The following EVC variants were observed in gnomAD, a reference collection of about 807,000 sequenced individuals.
The protein encoded by EVC is EvC ciliary complex subunit 1.
A neutral mutation model predicts 118.9 loss-of-function variants in EVC; 116 were observed. The observed-to-expected ratio is 0.98, with a 90% CI of 0.84 to 1.14. EVC has a LOEUF of 1.14. Ranked by LOEUF, EVC falls within the 50% of genes most tolerant of loss-of-function variation. The pLI is 0.00. For synonymous variants in EVC, 619 were observed against 534.7 expected (o/e 1.16, Z -2.18); for missense variants, 1,401 against 1,246.4 (o/e 1.12, Z -1.87).
At chr4:5,824,895 A>G in the EVC span, 1 of 985,272 alleles carries the variant, frequency 1.0e-6, no homozygotes, top group Non-Finnish European at 1.2e-6. Context: ...TGAGACCTTA[A>G]GAAAGTCAGG....
chr4:5,821,063 A>C, the EVC span: 2 of 152,238 alleles, frequency 1.3e-5, no homozygotes, highest in African/African-American at 4.8e-5. The surrounding 1 kb of genome is among the most constrained non-coding windows in gnomAD (Gnocchi z 4.4). Context: ...TGGCTTGAAG[A>C]ACACACACAG....
Position 5,753,919 on chromosome 4 carries a change from G to GA in EVC, c.1454dup (p.Phe486ValfsTer7). 6.2e-7 allele frequency: 1 copy of GA among 1,613,352 alleles called. No individual in the cohort carries two copies. Among genetic ancestry groups the GA allele is most frequent in the African/African-American group, 1.3e-5 (1 of 75,030 alleles). On this transcript the variant is annotated frameshift_variant, in exon 10 of 21. Coordinates refer to ENST00000264956, the MANE Select transcript of EVC (RefSeq NM_153717.3). LOFTEE classifies it high-confidence loss of function. Reference sequence around the variant, plus strand: ...TGAGGCCCAGCCGACTGCTGACCCGGAAAAGTTTCTCGAGGTGACTCACAT... The same window carrying GA: ...TGAGGCCCAGCCGACTGCTGACCCGGAAAAAGTTTCTCGAGGTGACTCACAT...
chr4:5,741,428 G>A (rs560131356), intron 5 of EVC, among the ~76,000 whole-genome samples: 3 of 152,302 alleles, frequency 2.0e-5, no homozygotes, highest in Admixed American at 1.3e-4. Context: ...GGGATGTGGA[G>A]GGCCTTGCAC....
chr4:5,776,606 C>G (rs1242158083), intron 11 of EVC, among the ~76,000 whole-genome samples: 2 of 152,140 alleles, frequency 1.3e-5, no homozygotes, highest in Non-Finnish European at 2.9e-5. Context: ...CAGACTTGCC[C>G]TCCGATCCTT....
intron 5 of EVC, among the ~76,000 whole-genome samples, chr4:5,736,978 T>C (rs564356879): frequency 5.3e-5 from 8 of 152,326 alleles, no homozygotes; most frequent in South Asian, 2.1e-4. Context: ...AAAGCTGAGA[T>C]AGGCTGAAAG....
chr4:5,811,177 A>C lies in EVC; in HGVS notation c.*140A>C. The C allele has an allele frequency of 1.4e-6, 1 of 710,360 alleles. No individual in the cohort carries two copies. 44.0% of individuals were successfully genotyped at this position (710,360 alleles called of 1,614,324 possible). ...GCTCTTCTGAGAGGGACAGAGAAAG[A>C]ATAGAAATGTGCCCTAAAAGCATAA... On this transcript the variant is annotated 3_prime_UTR_variant, in exon 21 of 21. Transcript: ENST00000264956.
At position 5,749,539 on chromosome 4, in the gene EVC, CTATT is replaced by C. The variant is rs1262083399; in HGVS notation, c.1098+1237_1098+1240del. Among the ~76,000 whole-genome samples, 1 of 152,098 alleles carries C rather than the reference CTATT, an allele frequency of 6.6e-6. No individual in the cohort carries two copies. The highest frequency in any genetic ancestry group is 1.5e-5 in the Non-Finnish European group (1 of 68,018). On this transcript the variant is annotated intron_variant, in intron 8 of 20. Transcript: ENST00000264956. The surrounding 1 kb of genome is among the most constrained non-coding windows in gnomAD (Gnocchi z 4.4). ...TTAACCTCTCTGCGCGTCTGTTCCT[CTATT>C]TATAAAATAATAGTGCTAAGAGTTG... is the stretch of plus-strand genomic sequence containing the variant.
Position 5,737,438 on chromosome 4 carries a change from A to G in EVC, c.702+4003A>G, listed in dbSNP as rs1475725789. Among the ~76,000 whole-genome samples, 1 of 152,232 alleles carries G rather than the reference A, an allele frequency of 6.6e-6. No homozygotes were observed. Among genetic ancestry groups the G allele is most frequent in the Non-Finnish European group, 1.5e-5 (1 of 68,036 alleles). On this transcript the variant is annotated intron_variant, in intron 5 of 20. Transcript: ENST00000264956. This position sits in a 1 kb window ranked among gnomAD's most constrained non-coding sequence, Gnocchi z 5.0. Reference sequence around the variant, plus strand: ...TTTTCAATGCAGATGAAATAGCACAATATGGTCATGGAAGAAGATGCCATC... The same window carrying G: ...TTTTCAATGCAGATGAAATAGCACAGTATGGTCATGGAAGAAGATGCCATC...
intron 7 of EVC, 50 bp from the exon 8 acceptor site, chr4:5,748,095 TTTC>T: frequency 6.2e-7 from 1 of 1,611,026 alleles, no homozygotes; most frequent in Non-Finnish European, 8.5e-7. Flanking sequence ...ACCGTTTGGC[TTTC>T]TTAAGTAAGT....
chr4:5,768,082 G>A (rs1210265422), intron 11 of EVC, among the ~76,000 whole-genome samples: 1 of 152,156 alleles, frequency 6.6e-6, no homozygotes, highest in Non-Finnish European at 1.5e-5. Context: ...CATTGCAGCA[G>A]CAGCAGCAGT....
chr4:5,809,494 T>A, intron 18 of EVC, 24 bp from the exon 19 acceptor site: 2 of 1,610,124 alleles, frequency 1.2e-6, no homozygotes, highest in South Asian at 2.2e-5. Context: ...CCCAGCTGAA[T>A]GCTCCTCTCT....
At chr4:5,732,247 C>T (rs7437528) in intron 4 of EVC, among the ~76,000 whole-genome samples, 20,155 of 152,128 alleles carry the variant, frequency 0.13, 1,734 homozygotes, top group East Asian at 0.31. Flanking sequence ...GCTTAAGAAG[C>T]TCAGTCTGGC....
At chr4:5,752,284 T>C (rs1730497907) in intron 8 of EVC, among the ~76,000 whole-genome samples, 1 of 152,040 alleles carries the variant, frequency 6.6e-6, no homozygotes, top group African/African-American at 2.4e-5. Flanking sequence ...CTGTCTTTTC[T>C]GAGAGTCCCT....
intron 11 of EVC, among the ~76,000 whole-genome samples, chr4:5,769,879 TC>T (rs770360716): frequency 5.9e-5 from 9 of 152,084 alleles, no homozygotes; most frequent in Non-Finnish European, 1.2e-4. Flanking sequence ...TGAGAGTAGT[TC>T]CCAAACCACC....
intron 11 of EVC, among the ~76,000 whole-genome samples, chr4:5,769,584 C>A (rs993098885): frequency 2.0e-5 from 3 of 152,158 alleles, no homozygotes; most frequent in Admixed American, 6.5e-5. Context: ...GTTGCTGCAC[C>A]AAAGCCAGTG....
intron 2 of EVC, among the ~76,000 whole-genome samples, chr4:5,720,989 C>T (rs1290226728): frequency 6.6e-6 from 1 of 152,100 alleles, no homozygotes; most frequent in Non-Finnish European, 1.5e-5. Flanking sequence ...CTTGCCTCTC[C>T]ACGTGTGTCT....
In EVC at chr4:5,738,323, G is replaced by C. The variant is rs1028470225; in HGVS notation, c.703-3393G>C. Among the ~76,000 whole-genome samples the C allele has an allele frequency of 6.6e-6, 1 of 152,158 alleles. No homozygotes were observed. Among genetic ancestry groups the C allele is most frequent in the African/African-American group, 2.4e-5 (1 of 41,430 alleles). On this transcript the variant is annotated intron_variant, in intron 5 of 20. Transcript: ENST00000264956. This position sits in a 1 kb window ranked among gnomAD's most constrained non-coding sequence, Gnocchi z 6.5. ...GTGAACATTGTTGAAATGACAAAAA[G>C]GATTTAGAATACTATGTAAACTTAT...
rs1324166084 is a variant in EVC at position 5,789,914 on chromosome 4, A to G, written c.1777-3694A>G. Among the ~76,000 whole-genome samples, 1 of 152,100 alleles carries G rather than the reference A, an allele frequency of 6.6e-6. No individual in the cohort carries two copies. Among genetic ancestry groups the G allele is most frequent in the Non-Finnish European group, 1.5e-5 (1 of 68,014 alleles). On this transcript the variant is annotated intron_variant, in intron 12 of 20. Coordinates refer to ENST00000264956, the MANE Select transcript of EVC (RefSeq NM_153717.3). This position sits in a 1 kb window ranked among gnomAD's most constrained non-coding sequence, Gnocchi z 4.3. ...AATCAAGACTGGCCAAGCATGGTGG[A>G]TCACGCCTGTAATCCCAGCACCTTG...
At chr4:5,817,693 T>C (rs1022959721), downstream of EVC, among the ~76,000 whole-genome samples, 2 of 152,222 alleles carry the variant, frequency 1.3e-5, no homozygotes, top group African/African-American at 2.4e-5. Flanking sequence ...GGCCACACTC[T>C]GCCTTGGAAA....
Sources: gnomAD v4.1 joint callset for allele counts (sites outside exome capture counted in the v4.1 genomes callset) on GRCh38, gnomAD v4.1.1 for gene constraint, Gnocchi (gnomAD v3.1) non-coding constraint, MANE v1.5 for transcripts, NCBI Gene and HGNC (gene_info 2026-07-23, HGNC 2026-07-21) for gene names.